PIK3C2B: variants seen among roughly 807,000 people sequenced by gnomAD.
The protein encoded by PIK3C2B is phosphatidylinositol-4-phosphate 3-kinase catalytic subunit type 2 beta, also known as phosphatidylinositol 4-phosphate 3-kinase C2 domain-containing subunit beta.
PIK3C2B carries 83 observed loss-of-function variants against 184.3 expected under a neutral mutation model. The observed-to-expected ratio is 0.45, with a 90% CI of 0.38 to 0.54. PIK3C2B has a LOEUF of 0.54. PIK3C2B is among the 20% of genes least tolerant of loss of function. The pLI, the probability that PIK3C2B is intolerant of heterozygous loss-of-function variation, is 0.00. For synonymous variants in PIK3C2B, 779 were observed against 837.6 expected, an observed-to-expected ratio of 0.93 and a Z score of 1.21; for missense variants, 1,736 against 2,113.5, an observed-to-expected ratio of 0.82 and a Z score of 3.50.
chr1:204,433,895 A>G lies in PIK3C2B; in HGVS notation c.3741T>C (p.Gly1247=). The G allele has an allele frequency of 6.2e-7, 1 of 1,613,762 alleles. No homozygotes were observed. The highest frequency in any genetic ancestry group is 8.5e-7 in the Non-Finnish European group (1 of 1,179,908). Residue 1247 remains glycine (G), a synonymous_variant, in exon 25 of 33, where the codon GGT becomes GGC. Coordinates refer to ENST00000684373, the MANE Select transcript of PIK3C2B (RefSeq NM_001377334.1). The surrounding 1 kb of genome is among the most constrained non-coding windows in gnomAD (Gnocchi z 5.0). ...TSDMAYVING[G]DKPSSRFHDF... Reference sequence around the variant, plus strand: ...CATGGAAGCGGCTGGAAGGCTTGTCACCCCCGTTGATGACATACGCCATGT... The same window carrying G: ...CATGGAAGCGGCTGGAAGGCTTGTCGCCCCCGTTGATGACATACGCCATGT...
Position 204,455,909 on chromosome 1 carries a change from G to A in PIK3C2B, c.1890C>T (p.Ser630=), listed in dbSNP as rs1654809617. ...GGGTGGCATAGACAGTGAAGGCCAG[G>A]GACCTGGCGAAATGGCAGGCCTCCT... ...LVQEACHFAR[S]LAFTVYATHR... Residue 630 remains serine, a synonymous_variant, in exon 11 of 33, where the codon TCC becomes TCT. Coordinates refer to ENST00000684373, the MANE Select transcript of PIK3C2B (RefSeq NM_001377334.1). 1 of 1,614,184 alleles carries A rather than the reference G, an allele frequency of 6.2e-7. No homozygotes were observed. Among genetic ancestry groups the A allele is most frequent in the Non-Finnish European group, 8.5e-7 (1 of 1,180,006 alleles).
chr1:204,424,570 G>A lies in PIK3C2B; in HGVS notation c.*282C>T. On this transcript the variant is annotated 3_prime_UTR_variant, in exon 33 of 33. Coordinates refer to ENST00000684373, the MANE Select transcript of PIK3C2B (RefSeq NM_001377334.1). Reference sequence around the variant, plus strand: ...CCACCCCACACACTCCCCAAACCAAGCATTGCTCCCTTGACACAAGGTAAA... The same window carrying A: ...CCACCCCACACACTCCCCAAACCAAACATTGCTCCCTTGACACAAGGTAAA... The A allele has an allele frequency of 2.1e-6, 1 of 480,700 alleles. No homozygotes were observed. Among genetic ancestry groups the A allele is most frequent in the South Asian group, 1.5e-5 (1 of 67,604 alleles). The allele number at this position is 480,700 out of a possible 1,614,324, so 29.8% of individuals were successfully genotyped here.
chr1:204,441,658 G>A lies in PIK3C2B; in HGVS notation c.3157-95C>T, dbSNP rs758958180. On this transcript the variant is annotated intron_variant, in intron 20 of 32. Coordinates refer to ENST00000684373, the MANE Select transcript of PIK3C2B (RefSeq NM_001377334.1). ...CTTCAGACCAAGATGCTGCCTCCCC[G>A]CTGCTGCCGGTCCACCCAAGACCTG... The A allele has an allele frequency of 4.0e-5, 28 of 706,778 alleles. No individual in the cohort carries two copies. In the South Asian group the frequency reaches 4.0e-4, roughly 10 times the overall value. The allele number at this position is 706,778 out of a possible 1,614,324, so 43.8% of individuals were successfully genotyped here. A position where few individuals can be genotyped will look rare whatever the true frequency, so the allele number is the denominator to read the frequency against.
intron 1 of PIK3C2B, among the ~76,000 whole-genome samples, chr1:204,472,594 C>T (rs991859239): frequency 6.6e-6 from 1 of 152,032 alleles, no homozygotes; most frequent in Non-Finnish European, 1.5e-5. Context: ...GCCTGGCTAA[C>T]ATGGTGAAAC....
chr1:204,446,655 C>T (rs754878975), intron 15 of PIK3C2B, among the ~76,000 whole-genome samples: 5 of 152,182 alleles, frequency 3.3e-5, no homozygotes, highest in Non-Finnish European at 7.3e-5. Context: ...GGACCTGCAG[C>T]TAATTGGGCC....
At position 204,446,121 on chromosome 1, in the gene PIK3C2B, C is replaced by G; in HGVS notation, c.2513G>C (p.Arg838Pro). ...GCAGTAATATCGCTTCTCCCACAGGCGCTTCTTGTCAGCATCAGTGAGCCT... is the reference window on the plus strand; with the variant it reads ...GCAGTAATATCGCTTCTCCCACAGGGGCTTCTTGTCAGCATCAGTGAGCCT... Reference protein sequence around the residue: ...LYWLTDADKKRLWEKRYYCHS... With the variant: ...LYWLTDADKKPLWEKRYYCHS... The change falls in exon 16 of 33, where the codon CGC becomes CCC. Residue 838 changes from arginine to proline, a missense_variant. By Grantham distance (103) the Arg-to-Pro change is moderately radical (BLOSUM62 -2). This residue lies in a region of PIK3C2B where 609 missense variants were observed against 699.2 expected (regional missense o/e 0.87). Transcript: ENST00000684373. The G allele has an allele frequency of 6.4e-7, 1 of 1,569,234 alleles. No individual in the cohort carries two copies. Among genetic ancestry groups the G allele is most frequent in the South Asian group, 1.2e-5 (1 of 86,610 alleles).
chr1:204,430,007 G>T lies in PIK3C2B; in HGVS notation c.4312C>A (p.Arg1438=). 1 of 1,610,768 alleles carries T rather than the reference G, an allele frequency of 6.2e-7. No homozygotes were observed. Residue 1438 remains arginine (R), a synonymous_variant, in exon 29 of 33, where the codon CGG becomes AGG. Coordinates refer to ENST00000684373, the MANE Select transcript of PIK3C2B (RefSeq NM_001377334.1). ...CGCCGCTCGGCCACCGCCTCTCCCCGGGAGCGGCCGATCACGAAGCGACTA... is the reference window on the plus strand; with the variant it reads ...CGCCGCTCGGCCACCGCCTCTCCCCTGGAGCGGCCGATCACGAAGCGACTA... The part of the protein sequence containing the change: ...FPSRFVIGRS[R]GEAVAERRRE...
Position 204,456,016 on chromosome 1 carries a change from C to T in PIK3C2B, c.1783G>A (p.Asp595Asn). The T allele has an allele frequency of 6.2e-7, 1 of 1,614,024 alleles. No homozygotes were observed. The highest frequency in any genetic ancestry group is 1.1e-5 in the South Asian group (1 of 91,062). ...GTGTTGCAGTACAGCTCCACCAGGTCCAAGATGGCAGCGGTCAGGGCTTCC... is the reference window on the plus strand; with the variant it reads ...GTGTTGCAGTACAGCTCCACCAGGTTCAAGATGGCAGCGGTCAGGGCTTCC... ...VVEALTAAIL[D>N]LVELYCNTFN... The change falls in exon 11 of 33, where the codon GAC becomes AAC. Residue 595 changes from aspartate (D) to asparagine (N), a missense_variant. Physicochemically the swap from Asp to Asn is conservative, Grantham distance 23. Transcript: ENST00000684373.
intron 21 of PIK3C2B, among the ~76,000 whole-genome samples, 157 bp from the exon 22 acceptor site, chr1:204,440,478 T>C (rs980228861): frequency 6.6e-6 from 1 of 152,138 alleles, no homozygotes. Flanking sequence ...AGGTCAAAGA[T>C]GGCCCAGGAA....
chr1:204,424,897 C>G lies in PIK3C2B; in HGVS notation c.4860G>C (p.Lys1620Asn), dbSNP rs138229960. 2 of 1,614,122 alleles carry G rather than the reference C, an allele frequency of 1.2e-6. No individual in the cohort carries two copies. The highest frequency in any genetic ancestry group is 2.7e-5 in the African/African-American group (2 of 74,936). The stretch of plus-strand genomic sequence containing the variant: ...GAGATCCCAGGGCGAACCAGCCGGT[C>G]TTCTCCTGAGCCAGGTCCAGCTCTC... Reference protein sequence around the residue: ...RLRELDLAQEKTGWFALGSRS... With the variant: ...RLRELDLAQENTGWFALGSRS... Residue 1620 changes from lysine to asparagine, a missense_variant, in exon 33 of 33, where the codon AAG (lysine) becomes AAC (asparagine). Around this residue, in one of 8 missense-constraint regions of PIK3C2B, gnomAD observed 95 missense variants for 164.2 expected, o/e 0.58. Transcript: ENST00000684373.
intron 1 of PIK3C2B, among the ~76,000 whole-genome samples, chr1:204,484,105 G>C (rs1319725057): frequency 6.6e-6 from 1 of 152,170 alleles, no homozygotes; most frequent in Non-Finnish European, 1.5e-5. Context: ...GGAAAGAGAA[G>C]GAAGGCAGAG....
chr1:204,457,624 C>CCTTTTTAGTGAGTGAACACCTACA, intron 9 of PIK3C2B, 104 bp downstream of exon 9: 1 of 1,108,336 alleles, frequency 9.0e-7, no homozygotes, highest in Non-Finnish European at 1.3e-6. Flanking sequence ...GAGAGAAGCC[C>CCTTTTTAGTGAGTGAACACCTACA]CTTTTTAGTG....
rs1403148297 is a variant in PIK3C2B at position 204,434,430 on chromosome 1, A to T, written c.3686+9T>A. ...TTCACTCACAATCTGGCTTCAGGAG[A>T]TCACTTACCGCTTGATGTTGCCAAA... On this transcript the variant is annotated intron_variant, in intron 24 of 32. Transcript: ENST00000684373. 6.2e-7 allele frequency: 1 copy of T among 1,613,642 alleles called. No individual in the cohort carries two copies.
At chr1:204,455,132 G>C (rs887292934) in intron 11 of PIK3C2B, among the ~76,000 whole-genome samples, 4 of 152,256 alleles carry the variant, frequency 2.6e-5, no homozygotes, top group African/African-American at 7.2e-5. Context: ...ACGTGCATGC[G>C]CAAGTGAGAA....
At chr1:204,473,126 C>A (rs1467997772) in intron 1 of PIK3C2B, among the ~76,000 whole-genome samples, 1 of 152,240 alleles carries the variant, frequency 6.6e-6, no homozygotes, top group Admixed American at 6.5e-5. Context: ...CTCAGATAGA[C>A]TCTTGGGTGG....
At chr1:204,443,981 A>C (rs1653617505) in intron 18 of PIK3C2B, 87 bp downstream of exon 18, 1 of 937,506 alleles carries the variant, frequency 1.1e-6, no homozygotes, top group African/African-American at 1.6e-5. Flanking sequence ...CGGACAACTC[A>C]GTTCCTTGCC....
intron 1 of PIK3C2B, among the ~76,000 whole-genome samples, chr1:204,485,854 A>G (rs1657544947): frequency 6.6e-6 from 1 of 152,114 alleles, no homozygotes; most frequent in Non-Finnish European, 1.5e-5. Flanking sequence ...TACAGCCGTG[A>G]GCCACTGCAC....
In PIK3C2B at chr1:204,464,436, CCTCA is replaced by C. The variant is rs1655588086; in HGVS notation, c.1189+10_1189+13del. On this transcript the variant is annotated intron_variant, in intron 4 of 32. Coordinates refer to ENST00000684373, the MANE Select transcript of PIK3C2B (RefSeq NM_001377334.1). ...CAAGGGATGCTCACATCCTCTCCCC[CCTCA>C]CTAACTTACAGTTGCAGGTGAAAGT... 1 of 1,610,334 alleles carries C rather than the reference CCTCA, an allele frequency of 6.2e-7. No homozygotes were observed. Among genetic ancestry groups the C allele is most frequent in the Non-Finnish European group, 8.5e-7 (1 of 1,177,456 alleles).
chr1:204,442,910 G>T (rs1459635175), intron 19 of PIK3C2B, among the ~76,000 whole-genome samples: 1 of 152,218 alleles, frequency 6.6e-6, no homozygotes, highest in Non-Finnish European at 1.5e-5. Flanking sequence ...GTCTCTCAAG[G>T]GGGAAGAGCT....
Sources: allele counts gnomAD v4.1 joint callset (sites outside exome capture counted in the v4.1 genomes callset), GRCh38; gene constraint gnomAD v4.1.1; regional missense constraint gnomAD v4.1.1; non-coding constraint Gnocchi (gnomAD v3.1); transcripts MANE v1.5; gene names NCBI Gene and HGNC (gene_info 2026-07-23, HGNC 2026-07-21).